The following DOP1A variants were observed in gnomAD, a reference collection of about 807,000 sequenced individuals.
DOP1A encodes protein DOP1A.
A neutral mutation model predicts 267.6 loss-of-function variants in DOP1A; 90 were observed. The observed-to-expected ratio is 0.34, with a 90% confidence interval of 0.28 to 0.40. The LOEUF (loss-of-function observed/expected upper bound fraction) is 0.40, where lower values mean the gene tolerates loss of function less well. DOP1A is among the 10% of genes least tolerant of loss of function. The pLI is 1.00. For missense variants in DOP1A, 2,437 were observed against 2,900.4 expected (o/e 0.84, Z 3.67); for synonymous variants, 932 against 999.1 (o/e 0.93, Z 1.27).
intron 1 of DOP1A, among the ~76,000 whole-genome samples, chr6:83,090,592 C>G (rs1770175422): frequency 6.6e-6 from 1 of 152,072 alleles, no homozygotes; most frequent in African/African-American, 2.4e-5. Flanking sequence ...GTGAAATAAG[C>G]ACAGAGATAA....
At chr6:83,078,903 G>A (rs1255835161) in intron 1 of DOP1A, among the ~76,000 whole-genome samples, 4 of 152,120 alleles carry the variant, frequency 2.6e-5, no homozygotes, top group South Asian at 2.1e-4. Flanking sequence ...CTTTCATGAT[G>A]AGCATTATTA....
In DOP1A at chr6:83,131,184, A is replaced by G. The variant is rs183386278; in HGVS notation, c.2616+787A>G. Among the ~76,000 whole-genome samples the G allele has an allele frequency of 1.3e-3, 201 of 152,294 alleles. 2 individuals carry two copies. The highest frequency in any genetic ancestry group is 4.7e-3 in the African/African-American group (196 of 41,548). On this transcript the variant is annotated intron_variant, in intron 17 of 38. Transcript: ENST00000349129. ...TTTGATTTCTACCACACTGGTATAA[A>G]TATTATTCTCTATATCGAACATCAA...
At chr6:83,088,066 G>A (rs1047837958) in intron 1 of DOP1A, among the ~76,000 whole-genome samples, 1 of 152,118 alleles carries the variant, frequency 6.6e-6, no homozygotes, top group African/African-American at 2.4e-5. Flanking sequence ...GTAGAGACGG[G>A]TTTCACCGTG....
intron 38 of DOP1A, chr6:83,164,537 A>G: frequency 1.1e-6 from 1 of 946,522 alleles, no homozygotes; most frequent in South Asian, 1.4e-5. Flanking sequence ...TGTCCCACAG[A>G]ATAAGAAAAC....
At chr6:83,081,076 A>G (rs745694121) in intron 1 of DOP1A, among the ~76,000 whole-genome samples, 103 of 152,332 alleles carry the variant, frequency 6.8e-4, no homozygotes, top group Non-Finnish European at 9.4e-4. Flanking sequence ...ATGGAACAGA[A>G]TAGAGAGCCC....
chr6:83,153,709 C>A, intron 31 of DOP1A, 89 bp downstream of exon 31: 1 of 1,210,876 alleles, frequency 8.3e-7, no homozygotes, highest in Non-Finnish European at 1.1e-6. Flanking sequence ...CTAGAATTAT[C>A]ATAAAATGGC....
rs1439889935 is a variant in DOP1A at position 83,137,674 on chromosome 6, A to T, written c.3632A>T (p.Asn1211Ile). The change falls in exon 21 of 39, where the codon AAT becomes ATT. Residue 1211 changes from asparagine to isoleucine, a missense_variant. Asn to Ile is a moderately radical substitution (Grantham distance 149). Coordinates refer to ENST00000349129, the MANE Select transcript of DOP1A (RefSeq NM_015018.4). ...IQQSQNALLS[N>I]ESSQFLSVSA... Reference sequence around the variant, plus strand: ...CAGAGTCAGAATGCTTTGCTGAGTAATGAAAGTTCTCAGTTTCTGTCTGTG... The same window carrying T: ...CAGAGTCAGAATGCTTTGCTGAGTATTGAAAGTTCTCAGTTTCTGTCTGTG... The T allele has an allele frequency of 6.2e-7, 1 of 1,613,560 alleles. No homozygotes were observed. The highest frequency in any genetic ancestry group is 8.5e-7 in the Non-Finnish European group (1 of 1,179,806).
chr6:83,116,296 G>A lies in DOP1A; in HGVS notation c.781-2592G>A, dbSNP rs140987253. Among the ~76,000 whole-genome samples, 450 of 152,114 alleles carry A rather than the reference G, an allele frequency of 3.0e-3. 1 individual carries two copies. The highest frequency in any genetic ancestry group is 0.01 in the African/African-American group (431 of 41,490). ...ACTGGTCTATCTTGTACTTTCAGTG[G>A]CTCTTTCAGTCATATGTGCTTTTGT... is the stretch of plus-strand genomic sequence containing the variant. On this transcript the variant is annotated intron_variant, in intron 7 of 38. Transcript: ENST00000349129.
At chr6:83,097,196 GAAGT>G in intron 3 of DOP1A, 81 bp downstream of exon 3, 1 of 1,462,198 alleles carries the variant, frequency 6.8e-7, no homozygotes, top group Non-Finnish European at 9.3e-7. Flanking sequence ...TCGAAATCTT[GAAGT>G]AAGAATGCAA....
chr6:83,134,357 G>T (rs1314589487), intron 19 of DOP1A, 70 bp downstream of exon 19: 23 of 1,331,644 alleles, frequency 1.7e-5, no homozygotes, highest in Non-Finnish European at 1.8e-5. Flanking sequence ...TGAGTCCACT[G>T]TCTAGCTTGG....
At position 83,132,244 on chromosome 6, in the gene DOP1A, A is replaced by T; in HGVS notation, c.2685A>T (p.Glu895Asp). The T allele has an allele frequency of 6.2e-7, 1 of 1,613,902 alleles. No homozygotes were observed. The highest frequency in any genetic ancestry group is 8.5e-7 in the Non-Finnish European group (1 of 1,179,842). ...CTCAGCATCACCAGAAGAGTGTGGA[A>T]CTATTTTATCAATTACATAACTTAG... ...GTPQHHQKSV[E>D]LFYQLHNLVP... The change falls in exon 18 of 39, where the codon GAA becomes GAT. Residue 895 changes from glutamate to aspartate, a missense_variant. Physicochemically the swap from Glu to Asp is conservative, Grantham distance 45. This residue lies in a region of DOP1A where 878 missense variants were observed against 992.9 expected (regional missense o/e 0.88). Coordinates refer to ENST00000349129, the MANE Select transcript of DOP1A (RefSeq NM_015018.4).
At chr6:83,118,519 A>G (rs1038789441) in intron 7 of DOP1A, among the ~76,000 whole-genome samples, 13 of 152,178 alleles carry the variant, frequency 8.5e-5, no homozygotes, top group African/African-American at 3.1e-4. Flanking sequence ...TCAGGAGTTT[A>G]TAGTCAGTTG....
At chr6:83,119,910 G>A (rs1776085897) in intron 9 of DOP1A, 53 bp downstream of exon 9, 1 of 1,454,496 alleles carries the variant, frequency 6.9e-7, no homozygotes, top group Non-Finnish European at 9.6e-7. Flanking sequence ...TAGAGGTAGT[G>A]AAAAAGTGTA....
Position 83,152,275 on chromosome 6 carries a change from C to A in DOP1A, c.6050-13C>A. The A allele has an allele frequency of 6.7e-7, 1 of 1,501,150 alleles. No homozygotes were observed. Among genetic ancestry groups the A allele is most frequent in the Non-Finnish European group, 9.1e-7 (1 of 1,104,114 alleles). 93.0% of individuals were successfully genotyped at this position (1,501,150 alleles called of 1,614,324 possible). The stretch of plus-strand genomic sequence containing the variant: ...GGGAATTAGCCATATCTTTAATTTT[C>A]TCTTATTTATAGATATGTTATCACC... On this transcript the variant is annotated splice_polypyrimidine_tract_variant and intron_variant, in intron 29 of 38. Transcript: ENST00000349129.
intron 4 of DOP1A, among the ~76,000 whole-genome samples, chr6:83,106,028 T>C (rs1773553759): frequency 6.6e-6 from 1 of 152,230 alleles, no homozygotes; most frequent in African/African-American, 2.4e-5. Flanking sequence ...CTATACTTTT[T>C]TGAAGTATAA....
intron 6 of DOP1A, among the ~76,000 whole-genome samples, 175 bp from the exon 7 acceptor site, chr6:83,113,144 GTACT>G (rs974259867): frequency 2.6e-4 from 40 of 152,048 alleles, no homozygotes; most frequent in Non-Finnish European, 5.3e-4. Context: ...ATAGTCTTAC[GTACT>G]TCTTAATTTT....
chr6:83,072,821 A>G (rs1324056785), intron 1 of DOP1A, among the ~76,000 whole-genome samples: 22 of 152,210 alleles, frequency 1.4e-4, no homozygotes. Flanking sequence ...ATTTTTTTAT[A>G]TACCCCAAAT....
At position 83,167,881 on chromosome 6, in the gene DOP1A, A is replaced by G. The variant is rs768517752; in HGVS notation, c.7112A>G (p.Asn2371Ser). ...CTGCAGAAAAATCCAGAGGAAGACA[A>G]CTCAGGGAGAACATTGGGTTGGGAG... ...KRAKKNPEED[N>S]SGRTLGWEPG... The change falls in exon 39 of 39, where the codon AAC (asparagine) becomes AGC (serine). Residue 2371 changes from asparagine (N) to serine (S), a missense_variant. Transcript: ENST00000349129. The G allele has an allele frequency of 6.2e-7, 1 of 1,610,974 alleles. No homozygotes were observed. Among genetic ancestry groups the G allele is most frequent in the South Asian group, 1.1e-5 (1 of 90,686 alleles).
At chr6:83,137,126 A>C in intron 20 of DOP1A, 47 bp from the exon 21 acceptor site, 2 of 1,440,884 alleles carry the variant, frequency 1.4e-6, no homozygotes, top group Non-Finnish European at 9.3e-7. Flanking sequence ...CAATTATTTT[A>C]ATGCATTTTG....
Sources: allele counts gnomAD v4.1 joint callset (sites outside exome capture counted in the v4.1 genomes callset), GRCh38; gene constraint gnomAD v4.1.1; regional missense constraint gnomAD v4.1.1; transcripts MANE v1.5; gene names NCBI Gene and HGNC (gene_info 2026-07-23, HGNC 2026-07-21).